The following TEAD4 variants were observed in gnomAD, a reference collection of about 807,000 sequenced individuals.
TEAD4 encodes transcriptional enhancer factor TEF-3.
In TEAD4, 36 loss-of-function variants were observed where a neutral mutation model predicts 52.4. That is an observed-to-expected ratio of 0.69 (90% confidence interval 0.53 to 0.91). The LOEUF (loss-of-function observed/expected upper bound fraction) is 0.91. Ranked by LOEUF, TEAD4 falls within the 40% of genes least tolerant of loss-of-function variation. TEAD4 has a pLI of 0.00. For synonymous variants in TEAD4, 220 were observed against 231.0 expected (o/e 0.95, Z 0.43); for missense variants, 508 against 583.9 (o/e 0.87, Z 1.34).
intron 3 of TEAD4, among the ~76,000 whole-genome samples, chr12:2,997,814 G>T (rs904116186): frequency 1.4e-4 from 20 of 147,252 alleles, no homozygotes; most frequent in South Asian, 6.4e-4. Context: ...TCGGGGGGGG[G>T]GTGTGTGTGT....
chr12:3,001,862 G>T lies in TEAD4; in HGVS notation c.226+6870G>T, dbSNP rs180741376. On this transcript the variant is annotated intron_variant, in intron 3 of 12. Coordinates refer to ENST00000359864, the MANE Select transcript of TEAD4 (RefSeq NM_003213.4). ...TCCTAGCACTTTGGGAGGCCAAGGC[G>T]GGCAGATCACTCGAGGTCAGGAGTT... 7.9e-5 allele frequency among the ~76,000 whole-genome samples: 12 copies of T among 151,896 alleles called. 1 individual carries two copies. The East Asian group carries it at 2.3e-3, about 29-fold the overall frequency.
At chr12:3,002,182 A>T (rs1025179120) in intron 3 of TEAD4, among the ~76,000 whole-genome samples, 1 of 152,230 alleles carries the variant, frequency 6.6e-6, no homozygotes, top group South Asian at 2.1e-4. Flanking sequence ...TCCATGTTGT[A>T]GCGTGTTTCA....
At chr12:3,020,179 C>G (rs2098267653) in intron 8 of TEAD4, among the ~76,000 whole-genome samples, 4 of 152,234 alleles carry the variant, frequency 2.6e-5, no homozygotes, top group Admixed American at 2.6e-4. Context: ...AGGCCCTGTT[C>G]TGGGAGCGGG....
intron 8 of TEAD4, among the ~76,000 whole-genome samples, chr12:3,019,974 C>G (rs1252022916): frequency 1.3e-5 from 2 of 152,248 alleles, no homozygotes; most frequent in East Asian, 3.8e-4. Context: ...GCAGCAGCCT[C>G]TCCACCGGCT....
In TEAD4 at chr12:3,020,231, C is replaced by T. The variant is rs573331288; in HGVS notation, c.584-403C>T. On this transcript the variant is annotated intron_variant, in intron 8 of 12. Transcript: ENST00000359864. Reference sequence around the variant, plus strand: ...CAAACAGGAAACGTCCCCGTCTCTCCGGGATGATGCCATATTGTAATAGTG... The same window carrying T: ...CAAACAGGAAACGTCCCCGTCTCTCTGGGATGATGCCATATTGTAATAGTG... Among the ~76,000 whole-genome samples the T allele has an allele frequency of 5.9e-5, 9 of 152,324 alleles. No homozygotes were observed. The East Asian group carries it at 9.6e-4, about 16-fold the overall frequency.
intron 2 of TEAD4, among the ~76,000 whole-genome samples, chr12:2,988,832 C>T (rs1269671686): frequency 2.0e-5 from 3 of 152,260 alleles, no homozygotes; most frequent in South Asian, 2.1e-4. Context: ...GGACTGTGTT[C>T]GAGGAGCTTC....
chr12:2,995,035 C>G (rs1211914200), intron 3 of TEAD4, 43 bp downstream of exon 3: 1 of 1,588,228 alleles, frequency 6.3e-7, no homozygotes, highest in Non-Finnish European at 8.6e-7. Flanking sequence ...GAGGCTGAGG[C>G]AAGGGGCCGA....
At chr12:3,011,092 G>A in intron 4 of TEAD4, 24 bp downstream of exon 4, 1 of 1,613,736 alleles carries the variant, frequency 6.2e-7, no homozygotes, top group Non-Finnish European at 8.5e-7. Context: ...GACGGGTAGG[G>A]GTCCCGGGGG....
Position 3,014,954 on chromosome 12 carries a change from C to T in TEAD4, c.355-2444C>T, listed in dbSNP as rs34106137. 1.7e-3 allele frequency among the ~76,000 whole-genome samples: 252 copies of T among 152,310 alleles called. 3 individuals carry two copies. The highest frequency in any genetic ancestry group is 5.2e-3 in the African/African-American group (216 of 41,572). ...CTGCCAAGTCCCTCATGCCCTCCTGCGGGGAGAGGTCAGGGGCTGGCCTGG... is the reference window on the plus strand; with the variant it reads ...CTGCCAAGTCCCTCATGCCCTCCTGTGGGGAGAGGTCAGGGGCTGGCCTGG... On this transcript the variant is annotated intron_variant, in intron 5 of 12. Transcript: ENST00000359864.
At chr12:2,992,776 G>T (rs1225963806) in intron 2 of TEAD4, among the ~76,000 whole-genome samples, 1 of 152,074 alleles carries the variant, frequency 6.6e-6, no homozygotes, top group African/African-American at 2.4e-5. Flanking sequence ...CGAGGGCTGT[G>T]GGAGGTACGT....
chr12:2,975,621 C>T (rs1248106128), intron 2 of TEAD4, among the ~76,000 whole-genome samples: 3 of 152,120 alleles, frequency 2.0e-5, no homozygotes, highest in African/African-American at 7.2e-5. Flanking sequence ...CTCCTGACCT[C>T]AGGTGATCTG....
chr12:2,978,427 G>T (rs1169820995), intron 2 of TEAD4, among the ~76,000 whole-genome samples: 4 of 151,286 alleles, frequency 2.6e-5, no homozygotes, highest in Admixed American at 1.3e-4. Flanking sequence ...GTTTTGAGAG[G>T]GAGTCTCACT....
intron 2 of TEAD4, among the ~76,000 whole-genome samples, chr12:2,988,583 C>A (rs1208769715): frequency 6.6e-6 from 1 of 151,138 alleles, no homozygotes; most frequent in Admixed American, 6.6e-5. Flanking sequence ...TCCTTGCAAT[C>A]TTCAAAACGA....
intron 11 of TEAD4, among the ~76,000 whole-genome samples, chr12:3,038,959 C>A (rs1209141917): frequency 6.6e-6 from 1 of 152,192 alleles, no homozygotes; most frequent in Non-Finnish European, 1.5e-5. Context: ...ACTTGTTAAA[C>A]CTCCTCACCG....
intron 3 of TEAD4, among the ~76,000 whole-genome samples, chr12:3,009,055 C>A (rs1429389589): frequency 2.0e-5 from 3 of 152,196 alleles, no homozygotes; most frequent in Non-Finnish European, 4.4e-5. Flanking sequence ...CTCACTGAGC[C>A]AGCGTTGAGG....
intron 3 of TEAD4, among the ~76,000 whole-genome samples, chr12:3,009,651 C>T (rs1004144489): frequency 2.0e-5 from 3 of 152,158 alleles, no homozygotes; most frequent in East Asian, 1.9e-4. Flanking sequence ...GTAGAACTGT[C>T]GACCGTTCAC....
At chr12:3,015,211 C>T (rs553017380) in intron 5 of TEAD4, among the ~76,000 whole-genome samples, 52 of 152,166 alleles carry the variant, frequency 3.4e-4, no homozygotes, top group Non-Finnish European at 5.4e-4. Flanking sequence ...TACTCCCCAC[C>T]GCCCTCTATG....
intron 2 of TEAD4, among the ~76,000 whole-genome samples, chr12:2,983,959 G>T (rs1192840387): frequency 6.6e-6 from 1 of 152,244 alleles, no homozygotes; most frequent in African/African-American, 2.4e-5. Context: ...AATCTGCTAA[G>T]GTTGGAGTCA....
At chr12:3,018,063 G>C (rs2098265859) in intron 6 of TEAD4, among the ~76,000 whole-genome samples, 2 of 152,180 alleles carry the variant, frequency 1.3e-5, no homozygotes, top group African/African-American at 4.8e-5. Context: ...TGGCTCCAGG[G>C]ACTAAATGAG....
Sources: gnomAD v4.1 joint callset for allele counts (sites outside exome capture counted in the v4.1 genomes callset) on GRCh38, gnomAD v4.1.1 for gene constraint, MANE v1.5 for transcripts, NCBI Gene and HGNC (gene_info 2026-07-23, HGNC 2026-07-21) for gene names.